The following NFKB2 variants were observed in gnomAD, a reference collection of about 807,000 sequenced individuals.
NFKB2 encodes nuclear factor kappa B subunit 2, also known as nuclear factor NF-kappa-B p100 subunit.
Under a neutral mutation model 109.3 loss-of-function variants are expected in NFKB2, and 21 were observed. The observed-to-expected ratio is 0.19, with a 90% CI of 0.14 to 0.28. The LOEUF is 0.28. Among genes scored for constraint, NFKB2 ranks in the 10% least tolerant of loss-of-function variants. The probability of loss-of-function intolerance (pLI) is 1.00; values close to 1 mark genes in which losing one functional copy is unlikely to be tolerated. For missense variants in NFKB2, 806 were observed against 1,185.3 expected (o/e 0.68, Z 4.70); for synonymous variants, 478 against 489.9 (o/e 0.98, Z 0.32).
In NFKB2 at chr10:102,396,507, A is replaced by G; in HGVS notation, c.144+18A>G. On this transcript the variant is annotated intron_variant, in intron 4 of 22. Transcript: ENST00000661543. The surrounding 1 kb of genome is among the most constrained non-coding windows in gnomAD (Gnocchi z 5.9). ...CTAAGCAGGTGAGTGAGCAAAAGGG[A>G]GGGTGTGGAATGGCTTCAGCTTTGG... 2 of 1,613,668 alleles carry G rather than the reference A, an allele frequency of 1.2e-6. No individual in the cohort carries two copies. The highest frequency in any genetic ancestry group is 1.1e-5 in the South Asian group (1 of 91,068).
rs369505509 is a variant in NFKB2 at position 102,400,959 on chromosome 10, G to A, written c.1981G>A (p.Val661Met). Residue 661 changes from valine to methionine, a missense_variant, in exon 18 of 23, where the codon GTG (valine) becomes ATG (methionine). By Grantham distance (21) the Val-to-Met change is conservative. Transcript: ENST00000661543. This position sits in a 1 kb window ranked among gnomAD's most constrained non-coding sequence, Gnocchi z 6.3. ...THLVTKLRAN[V>M]NARTFAGNTP... is the part of the protein sequence containing the mutation. ...CTCGCACCCCCAGCTCCGGGCCAAC[G>A]TGAACGCTCGCACCTTTGCGGGAAA... The A allele has an allele frequency of 3.1e-6, 5 of 1,613,534 alleles. No homozygotes were observed. Among genetic ancestry groups the A allele is most frequent in the South Asian group, 1.1e-5 (1 of 90,944 alleles).
At chr10:102,399,806 C>T (rs1357950181) in intron 14 of NFKB2, 88 bp downstream of exon 14, 3 of 1,424,928 alleles carry the variant, frequency 2.1e-6, no homozygotes, top group South Asian at 3.0e-5. Flanking sequence ...TTTTCGGACA[C>T]GCCAGGCTTC....
rs1014312916 is a variant in NFKB2, at chr10:102,397,083, C to G, written c.395+28C>G. On this transcript the variant is annotated intron_variant, in intron 6 of 22. Transcript: ENST00000661543. This position sits in a 1 kb window ranked among gnomAD's most constrained non-coding sequence, Gnocchi z 4.7. ...AGGTGCCCTCTACGCCTGGCCCCCA[C>G]TGGTATGCCCGTCTGCCAGTCCCAG... 2.5e-6 allele frequency: 4 copies of G among 1,597,150 alleles called. No homozygotes were observed. Among genetic ancestry groups the G allele is most frequent in the Non-Finnish European group, 3.4e-6 (4 of 1,167,076 alleles).
Position 102,399,277 on chromosome 10 carries a change from T to A in NFKB2, c.1118-11T>A, listed in dbSNP as rs1249129762. 6.3e-7 allele frequency: 1 copy of A among 1,584,766 alleles called. No homozygotes were observed. The highest frequency in any genetic ancestry group is 8.6e-7 in the Non-Finnish European group (1 of 1,166,508). ...GGTGCCCGCTTCCCACAGCCCTGCC[T>A]GTATCCACAGGTGGCAGCCTCGGTT... On this transcript the variant is annotated splice_polypyrimidine_tract_variant and intron_variant, in intron 12 of 22. Coordinates refer to ENST00000661543, the MANE Select transcript of NFKB2 (RefSeq NM_001322934.2).
Position 102,399,281 on chromosome 10 carries a change from T to C in NFKB2, c.1118-7T>C, listed in dbSNP as rs756654370. On this transcript the variant is annotated splice_region_variant and splice_polypyrimidine_tract_variant and intron_variant, in intron 12 of 22. Coordinates refer to ENST00000661543, the MANE Select transcript of NFKB2 (RefSeq NM_001322934.2). Reference sequence around the variant, plus strand: ...CCCGCTTCCCACAGCCCTGCCTGTATCCACAGGTGGCAGCCTCGGTTTCTT... The same window carrying C: ...CCCGCTTCCCACAGCCCTGCCTGTACCCACAGGTGGCAGCCTCGGTTTCTT... 2.5e-6 allele frequency: 4 copies of C among 1,587,776 alleles called. No homozygotes were observed. The South Asian group carries it at 4.6e-5, about 18-fold the overall frequency.
upstream of NFKB2, chr10:102,394,154 G>T (rs1025791955): frequency 2.6e-5 from 4 of 152,316 alleles, no homozygotes; most frequent in African/African-American, 7.2e-5. Flanking sequence ...CTCAGGGTGG[G>T]GGCCCCGAGG....
At position 102,401,235 on chromosome 10, in the gene NFKB2, T is replaced by C. The variant is rs1016845762; in HGVS notation, c.2127T>C (p.Pro709=). Reference sequence around the variant, plus strand: ...CCCTGTGCCCACTGCCTTCACCCCCTACCTCTGATAGCGACTCGGACTCTG... The same window carrying C: ...CCCTGTGCCCACTGCCTTCACCCCCCACCTCTGATAGCGACTCGGACTCTG... ...EEPLCPLPSP[P]TSDSDSDSEG... is the part of the protein sequence containing the mutation. The change falls in exon 19 of 23, where the codon CCT becomes CCC. Residue 709 remains proline (P), a synonymous_variant. Transcript: ENST00000661543. The surrounding 1 kb of genome is among the most constrained non-coding windows in gnomAD (Gnocchi z 4.2). The C allele has an allele frequency of 1.6e-5, 26 of 1,611,234 alleles. No homozygotes were observed. In the South Asian group the frequency reaches 2.6e-4, roughly 16 times the overall value.
Position 102,396,000 on chromosome 10 carries a change from C to T in NFKB2, c.21+20C>T. On this transcript the variant is annotated intron_variant, in intron 2 of 22. Coordinates refer to ENST00000661543, the MANE Select transcript of NFKB2 (RefSeq NM_001322934.2). Reference sequence around the variant, plus strand: ...AACCCAGTGAGTCATGCCGCCTGCCCCTGACCCGGCCGGCTGCCCCTCGTG... The same window carrying T: ...AACCCAGTGAGTCATGCCGCCTGCCTCTGACCCGGCCGGCTGCCCCTCGTG... 1 of 1,612,092 alleles carries T rather than the reference C, an allele frequency of 6.2e-7. No homozygotes were observed. Among genetic ancestry groups the T allele is most frequent in the Non-Finnish European group, 8.5e-7 (1 of 1,179,960 alleles).
At position 102,396,646 on chromosome 10, in the gene NFKB2, C is replaced by T; in HGVS notation, c.145-79C>T. ...CAGAGTGCTGTAGTTTGGTTCAGGG[C>T]TACTACCAGGCACTGCGGTCACTGC... On this transcript the variant is annotated intron_variant, in intron 4 of 22. Coordinates refer to ENST00000661543, the MANE Select transcript of NFKB2 (RefSeq NM_001322934.2). This position sits in a 1 kb window ranked among gnomAD's most constrained non-coding sequence, Gnocchi z 5.9. 1.3e-6 allele frequency: 2 copies of T among 1,554,912 alleles called. No homozygotes were observed. Among genetic ancestry groups the T allele is most frequent in the Non-Finnish European group, 1.8e-6 (2 of 1,128,302 alleles).
At position 102,397,224 on chromosome 10, in the gene NFKB2, G is replaced by C. The variant is rs2061131235; in HGVS notation, c.396-78G>C. 6.4e-7 allele frequency: 1 copy of C among 1,557,152 alleles called. No homozygotes were observed. Among genetic ancestry groups the C allele is most frequent in the Non-Finnish European group, 8.8e-7 (1 of 1,133,384 alleles). ...GGCTTCCTTGAGGAAGTAAGGCTGA[G>C]CTGAGCCCTGGCAATGGGAAAGGTG... On this transcript the variant is annotated intron_variant, in intron 6 of 22. Coordinates refer to ENST00000661543, the MANE Select transcript of NFKB2 (RefSeq NM_001322934.2). This position sits in a 1 kb window ranked among gnomAD's most constrained non-coding sequence, Gnocchi z 4.7.
Position 102,398,437 on chromosome 10 carries a change from C to T in NFKB2, c.905C>T (p.Pro302Leu), listed in dbSNP as rs779197903. ...PPYHKMKIER[P>L]VTVFLQLKRK... Reference sequence around the variant, plus strand: ...TATCACAAGATGAAGATTGAGCGGCCTGTAACAGTGTTTCTGCAACTGAAA... The same window carrying T: ...TATCACAAGATGAAGATTGAGCGGCTTGTAACAGTGTTTCTGCAACTGAAA... Residue 302 changes from proline (P) to leucine (L), a missense_variant, in exon 11 of 23, where the codon CCT (proline) becomes CTT (leucine). This residue lies in a region of NFKB2 where 64 missense variants were observed against 177.4 expected (regional missense o/e 0.36). Coordinates refer to ENST00000661543, the MANE Select transcript of NFKB2 (RefSeq NM_001322934.2). The surrounding 1 kb of genome is among the most constrained non-coding windows in gnomAD (Gnocchi z 6.6). 6.2e-7 allele frequency: 1 copy of T among 1,614,042 alleles called. No individual in the cohort carries two copies. The highest frequency in any genetic ancestry group is 8.5e-7 in the Non-Finnish European group (1 of 1,180,038).
Position 102,395,930 on chromosome 10 carries a change from A to T in NFKB2, c.-30A>T. ...TGGGAAGCAGAACCTGGCCGGAGCCACTAGACAGAGCCGGGCCTAGCCCAG... is the reference window on the plus strand; with the variant it reads ...TGGGAAGCAGAACCTGGCCGGAGCCTCTAGACAGAGCCGGGCCTAGCCCAG... On this transcript the variant is annotated 5_prime_UTR_variant, in exon 2 of 23. Transcript: ENST00000661543. The T allele has an allele frequency of 6.3e-7, 1 of 1,596,224 alleles. No homozygotes were observed.
At position 102,401,899 on chromosome 10, in the gene NFKB2, C is replaced by A; in HGVS notation, c.2448C>A (p.Ser816Arg). ...TYRQTTSPSG[S>R]LLRSYELAGG... ...GACAGACAACCTCACCCAGTGGCAG[C>A]CTCCTGCGCAGCTACGAGGTGGGTT... The change falls in exon 21 of 23, where the codon AGC (serine) becomes AGA (arginine). Residue 816 changes from serine to arginine, a missense_variant. Ser to Arg is a moderately radical substitution (Grantham distance 110, BLOSUM62 -1). This residue lies in a region of NFKB2 where 211 missense variants were observed against 268.7 expected (regional missense o/e 0.79). Transcript: ENST00000661543. This position sits in a 1 kb window ranked among gnomAD's most constrained non-coding sequence, Gnocchi z 4.2. 6.2e-7 allele frequency: 1 copy of A among 1,612,520 alleles called. No homozygotes were observed.
chr10:102,395,166 T>G (rs1589855929), upstream of NFKB2, among the ~76,000 whole-genome samples: 2 of 121,872 alleles, frequency 1.6e-5, no homozygotes, highest in African/African-American at 3.3e-5. Flanking sequence ...ACCGGTGCGG[T>G]GTGGGACCAG....
In NFKB2 at chr10:102,398,298, G is replaced by A; in HGVS notation, c.852+1G>A. 6.2e-7 allele frequency: 1 copy of A among 1,614,128 alleles called. No homozygotes were observed. Among genetic ancestry groups the A allele is most frequent in the Non-Finnish European group, 8.5e-7 (1 of 1,180,018 alleles). Reference sequence around the variant, plus strand: ...CTCTCCCACAGATGTGCATAAACAGGTACCCAGGGCTAGGGCCCGGGCCCG... The same window carrying A: ...CTCTCCCACAGATGTGCATAAACAGATACCCAGGGCTAGGGCCCGGGCCCG... On this transcript the variant is annotated splice_donor_variant, in intron 10 of 22. Transcript: ENST00000661543. LOFTEE classifies it high-confidence loss of function. This position sits in a 1 kb window ranked among gnomAD's most constrained non-coding sequence, Gnocchi z 6.6.
Position 102,400,031 on chromosome 10 carries a change from G to C in NFKB2, c.1470-49G>C, listed in dbSNP as rs775677257. The C allele has an allele frequency of 3.8e-6, 6 of 1,582,514 alleles. No individual in the cohort carries two copies. In the Admixed American group the frequency reaches 8.4e-5, roughly 22 times the overall value. On this transcript the variant is annotated intron_variant, in intron 14 of 22. Coordinates refer to ENST00000661543, the MANE Select transcript of NFKB2 (RefSeq NM_001322934.2). This position sits in a 1 kb window ranked among gnomAD's most constrained non-coding sequence, Gnocchi z 6.3. ...ATGAGGGCGGTGGGGCCTTGAAAGCGAAGGATGCTCTGAGTGGCTGGGCCA... is the reference window on the plus strand; with the variant it reads ...ATGAGGGCGGTGGGGCCTTGAAAGCCAAGGATGCTCTGAGTGGCTGGGCCA...
intron 22 of NFKB2, 45 bp downstream of exon 22, chr10:102,402,204 G>A: frequency 6.4e-7 from 1 of 1,552,842 alleles, no homozygotes; most frequent in Non-Finnish European, 8.7e-7. Context: ...TGGAGGGCCG[G>A]AGGCCTGAGG....
chr10:102,397,522 C>T lies in NFKB2; in HGVS notation c.503-5C>T, dbSNP rs371303712. ...CCAGGGGTCACACATGTACCTACTGCCCAGAGGCCGAGCAGCGGGAGCTGG... is the reference window on the plus strand; with the variant it reads ...CCAGGGGTCACACATGTACCTACTGTCCAGAGGCCGAGCAGCGGGAGCTGG... On this transcript the variant is annotated splice_polypyrimidine_tract_variant and splice_region_variant and intron_variant, in intron 7 of 22. Coordinates refer to ENST00000661543, the MANE Select transcript of NFKB2 (RefSeq NM_001322934.2). The surrounding 1 kb of genome is among the most constrained non-coding windows in gnomAD (Gnocchi z 4.7). 1.9e-5 allele frequency: 31 copies of T among 1,612,056 alleles called. No homozygotes were observed. The highest frequency in any genetic ancestry group is 2.6e-5 in the Non-Finnish European group (31 of 1,178,810).
intron 12 of NFKB2, chr10:102,399,081 C>A: frequency 2.8e-6 from 2 of 717,110 alleles, no homozygotes; most frequent in South Asian, 1.9e-5. Flanking sequence ...GGCATGGTGG[C>A]AGGCGCCTGT....
Sources: allele counts gnomAD v4.1 joint callset (sites outside exome capture counted in the v4.1 genomes callset), GRCh38; gene constraint gnomAD v4.1.1; regional missense constraint gnomAD v4.1.1; non-coding constraint Gnocchi (gnomAD v3.1); transcripts MANE v1.5; gene names NCBI Gene and HGNC (gene_info 2026-07-23, HGNC 2026-07-21).